Variants in GRK7 observed in about 807,000 individuals in gnomAD.
GRK7 encodes G protein-coupled receptor kinase 7.
A neutral mutation model predicts 34.1 loss-of-function variants in GRK7; 24 were observed. The observed-to-expected ratio is 0.70, with a 90% CI of 0.51 to 0.99. The LOEUF is 0.99. Among genes scored for constraint, GRK7 ranks in the 50% least tolerant of loss-of-function variants. The probability of loss-of-function intolerance (pLI) is 0.00; values close to 1 mark genes in which losing one functional copy is unlikely to be tolerated. For synonymous variants in GRK7, 256 were observed against 279.4 expected (o/e 0.92, Z 0.84); for missense variants, 644 against 707.3 (o/e 0.91, Z 1.02).
At chr3:141,770,994 C>CAAAAAAAAAAAAAAAAAA (rs55988355) in intron 1 of GRK7, among the ~76,000 whole-genome samples, 1 of 84,768 alleles carries the variant, frequency 1.2e-5, no homozygotes, top group Admixed American at 1.4e-4. Flanking sequence ...TACCCAGTCT[C>CAAAAAAAAAAAAAAAAAA]AAAAAAAAAA....
At chr3:141,804,567 AC>A (rs1361121900) in intron 4 of GRK7, among the ~76,000 whole-genome samples, 1 of 144,436 alleles carries the variant, frequency 6.9e-6, no homozygotes, top group Non-Finnish European at 1.5e-5. Flanking sequence ...CATAACACAC[AC>A]ATACACATAC....
the GRK7 span, among the ~76,000 whole-genome samples, chr3:141,751,534 C>T: frequency 6.6e-6 from 1 of 152,104 alleles, no homozygotes; most frequent in South Asian, 2.1e-4. Context: ...CTACAAGAAC[C>T]ATTTCTCATG....
At chr3:141,797,676 G>A (rs369557596) in intron 4 of GRK7, among the ~76,000 whole-genome samples, 10 of 152,050 alleles carry the variant, frequency 6.6e-5, no homozygotes, top group African/African-American at 2.2e-4. Context: ...TTTCTGGCTC[G>A]GCGTGCCAGT....
At position 141,780,716 on chromosome 3, in the gene GRK7, C is replaced by T. The variant is rs374902402; in HGVS notation, c.955C>T (p.Pro319Ser). 6.2e-7 allele frequency: 1 copy of T among 1,614,026 alleles called. No homozygotes were observed. Among genetic ancestry groups the T allele is most frequent in the Non-Finnish European group, 8.5e-7 (1 of 1,180,024 alleles). Residue 319 changes from proline to serine, a missense_variant, in exon 4 of 6, where the codon CCT (proline) becomes TCT (serine). Coordinates refer to ENST00000682958, the MANE Select transcript of GRK7 (RefSeq NM_139209.3). ...CGGCATCGTCTATCGGGACATGAAG[C>T]CTGAGAATGTGCTTCTGGATGACCT... The part of the protein sequence containing the change: ...ELGIVYRDMK[P>S]ENVLLDDLGN...
At chr3:141,789,656 C>CAAAAAAAAAAAAAACAA (rs1491305482) in intron 4 of GRK7, among the ~76,000 whole-genome samples, 5 of 119,232 alleles carry the variant, frequency 4.2e-5, no homozygotes, top group African/African-American at 1.7e-4. Flanking sequence ...GCCAAATGGG[C>CAAAAAAAAAAAAAACAA]AAAAAAAAAA....
chr3:141,795,892 T>C (rs968968472), intron 4 of GRK7, among the ~76,000 whole-genome samples: 48 of 151,920 alleles, frequency 3.2e-4, no homozygotes, highest in African/African-American at 1.1e-3. Context: ...CATTGTCTAA[T>C]GGAGTCACGG....
intron 1 of GRK7, among the ~76,000 whole-genome samples, chr3:141,769,906 G>GGTTT (rs2084609176): frequency 1.3e-5 from 2 of 152,020 alleles, no homozygotes; most frequent in African/African-American, 4.8e-5. Flanking sequence ...AAACCAACAA[G>GGTTT]GTTTTGTTTG....
At chr3:141,812,720 G>A (rs904872542) in intron 5 of GRK7, among the ~76,000 whole-genome samples, 1 of 152,186 alleles carries the variant, frequency 6.6e-6, no homozygotes, top group African/African-American at 2.4e-5. Flanking sequence ...CCCTGGGCAT[G>A]GTGTGCTTGA....
intron 4 of GRK7, among the ~76,000 whole-genome samples, chr3:141,792,272 C>A (rs529997040): frequency 6.6e-6 from 1 of 152,024 alleles, no homozygotes; most frequent in African/African-American, 2.4e-5. Flanking sequence ...GGCATTGTAG[C>A]ACATGCCTGT....
rs750522033 is a variant in GRK7 at position 141,778,479 on chromosome 3, C to T, written c.195C>T (p.Ile65=). The T allele has an allele frequency of 9.9e-6, 16 of 1,613,076 alleles. No individual in the cohort carries two copies. Among genetic ancestry groups the T allele is most frequent in the Non-Finnish European group, 1.4e-5 (16 of 1,179,914 alleles). ...NFHSLCEQQP[I]GRRLFRDFLA... ...ACAGCCTGTGTGAGCAGCAGCCCAT[C>T]GGTCGCCGCCTCTTCCGTGACTTCC... The change falls in exon 3 of 6, where the codon ATC becomes ATT. Residue 65 remains isoleucine (I), a synonymous_variant. Coordinates refer to ENST00000682958, the MANE Select transcript of GRK7 (RefSeq NM_139209.3). This position sits in a 1 kb window ranked among gnomAD's most constrained non-coding sequence, Gnocchi z 4.1.
At chr3:141,792,969 G>A (rs928541733) in intron 4 of GRK7, among the ~76,000 whole-genome samples, 2 of 152,180 alleles carry the variant, frequency 1.3e-5, no homozygotes, top group African/African-American at 4.8e-5. Context: ...CCAATCACGT[G>A]GAGGCTTCCA....
At chr3:141,772,835 C>T (rs1255254986) in intron 1 of GRK7, among the ~76,000 whole-genome samples, 1 of 151,960 alleles carries the variant, frequency 6.6e-6, no homozygotes, top group Non-Finnish European at 1.5e-5. Flanking sequence ...ATCCCTTAAT[C>T]TAAAATAAAA....
At chr3:141,784,928 A>G (rs1055237786) in intron 4 of GRK7, among the ~76,000 whole-genome samples, 1 of 152,232 alleles carries the variant, frequency 6.6e-6, no homozygotes, top group African/African-American at 2.4e-5. Flanking sequence ...CTGAGCTAGC[A>G]CATCAGCACA....
chr3:141,770,420 AGG>A (rs2084611564), intron 1 of GRK7, among the ~76,000 whole-genome samples: 1 of 152,214 alleles, frequency 6.6e-6, no homozygotes, highest in Non-Finnish European at 1.5e-5. Flanking sequence ...GATTTCAACT[AGG>A]AGCCACCTAG....
intron 4 of GRK7, among the ~76,000 whole-genome samples, chr3:141,798,123 G>C (rs1195334919): frequency 6.6e-6 from 1 of 152,198 alleles, no homozygotes; most frequent in East Asian, 1.9e-4. Flanking sequence ...CAAGAACAAT[G>C]TAGGGGGTAT....
intron 4 of GRK7, among the ~76,000 whole-genome samples, chr3:141,789,153 T>C (rs1466777712): frequency 2.0e-5 from 3 of 152,130 alleles, no homozygotes; most frequent in African/African-American, 4.8e-5. Flanking sequence ...GATGAACAGA[T>C]AGAGTAGGTT....
At chr3:141,791,567 AGGGC>A (rs1391846511) in intron 4 of GRK7, among the ~76,000 whole-genome samples, 2 of 152,222 alleles carry the variant, frequency 1.3e-5, no homozygotes, top group African/African-American at 4.8e-5. Flanking sequence ...ACCACTACCA[AGGGC>A]ATTCAAAAAT....
intron 4 of GRK7, among the ~76,000 whole-genome samples, chr3:141,788,776 G>A (rs1201753339): frequency 6.6e-6 from 1 of 152,162 alleles, no homozygotes; most frequent in African/African-American, 2.4e-5. Flanking sequence ...GCCTTAAGAC[G>A]TCTCTGCAAT....
chr3:141,752,975 C>T, the GRK7 span, among the ~76,000 whole-genome samples: 1 of 152,192 alleles, frequency 6.6e-6, no homozygotes, highest in East Asian at 1.9e-4. Context: ...TGATGTTAGA[C>T]TTGCCAGCCT....
Sources: gnomAD v4.1 joint callset for allele counts (sites outside exome capture counted in the v4.1 genomes callset) on GRCh38, gnomAD v4.1.1 for gene constraint, Gnocchi (gnomAD v3.1) non-coding constraint, MANE v1.5 for transcripts, NCBI Gene and HGNC (gene_info 2026-07-23, HGNC 2026-07-21) for gene names.